ABCA3: variants seen among roughly 807,000 people sequenced by gnomAD.
The protein encoded by ABCA3 is ATP binding cassette subfamily A member 3, also known as phospholipid-transporting ATPase ABCA3.
In ABCA3, 88 loss-of-function variants were observed where a neutral mutation model predicts 172.8. That is an observed-to-expected ratio of 0.51 (90% CI 0.43 to 0.61). The LOEUF is 0.61. ABCA3 is among the 20% of genes least tolerant of loss of function. The pLI, the probability that ABCA3 is intolerant of heterozygous loss-of-function variation, is 0.00. For synonymous variants in ABCA3, 1,066 were observed against 983.8 expected (o/e 1.08, Z -1.56); for missense variants, 2,164 against 2,301.0 (o/e 0.94, Z 1.22).
intron 2 of ABCA3, among the ~76,000 whole-genome samples, chr16:2,329,382 C>T (rs187503033): frequency 1.3e-5 from 2 of 152,274 alleles, no homozygotes; most frequent in East Asian, 3.9e-4. Flanking sequence ...GGGCCATCAT[C>T]CCGGGGAAGT....
At chr16:2,316,852 G>A (rs530281667) in intron 10 of ABCA3, among the ~76,000 whole-genome samples, 5 of 152,246 alleles carry the variant, frequency 3.3e-5, no homozygotes, top group African/African-American at 9.6e-5. Flanking sequence ...ACAACTTATA[G>A]CCTCTGAACC....
In ABCA3 at chr16:2,331,240, G is replaced by C. The variant is rs1288933725; in HGVS notation, c.-538-1386C>G. Reference sequence around the variant, plus strand: ...TTCTTTTCTTTTTTTCTGAGACAGAGTCTCGCTCTGTCGCCGAGGCTGGGC... The same window carrying C: ...TTCTTTTCTTTTTTTCTGAGACAGACTCTCGCTCTGTCGCCGAGGCTGGGC... On this transcript the variant is annotated intron_variant, in intron 1 of 32. Coordinates refer to ENST00000301732, the MANE Select transcript of ABCA3 (RefSeq NM_001089.3). 2.0e-5 allele frequency among the ~76,000 whole-genome samples: 3 copies of C among 151,886 alleles called. No homozygotes were observed. In the South Asian group the frequency reaches 6.2e-4, roughly 32 times the overall value.
intron 28 of ABCA3, among the ~76,000 whole-genome samples, chr16:2,280,314 C>T (rs762502950): frequency 9.2e-5 from 14 of 152,232 alleles, no homozygotes; most frequent in African/African-American, 1.7e-4. Context: ...ATGTGCTTGT[C>T]CCCCCATGGG....
chr16:2,295,316 C>T (rs528252506), intron 18 of ABCA3, among the ~76,000 whole-genome samples: 21 of 152,334 alleles, frequency 1.4e-4, no homozygotes, highest in Middle Eastern at 6.8e-3. Flanking sequence ...GGAGTGTGAG[C>T]CCTGCATCAG....
chr16:2,317,918 A>T (rs951076851), intron 8 of ABCA3, among the ~76,000 whole-genome samples, 154 bp from the exon 9 acceptor site: 2 of 152,062 alleles, frequency 1.3e-5, no homozygotes, highest in Admixed American at 6.6e-5. Context: ...TCTTGCTCAA[A>T]CTCCTGGGCT....
In ABCA3 at chr16:2,285,051, C is replaced by A; in HGVS notation, c.3484-53G>T. 1 of 1,577,910 alleles carries A rather than the reference C, an allele frequency of 6.3e-7. No homozygotes were observed. Among genetic ancestry groups the A allele is most frequent in the South Asian group, 1.1e-5 (1 of 88,386 alleles). On this transcript the variant is annotated intron_variant, in intron 23 of 32. Transcript: ENST00000301732. This position sits in a 1 kb window ranked among gnomAD's most constrained non-coding sequence, Gnocchi z 4.7. ...TGCATGCCAAGCTGAGAGGAGCTCA[C>A]GGGTAGGGAAGGGGTGAGAGGAGCA...
At chr16:2,330,143 A>G (rs955431221) in intron 1 of ABCA3, among the ~76,000 whole-genome samples, 1 of 151,714 alleles carries the variant, frequency 6.6e-6, no homozygotes, top group Non-Finnish European at 1.5e-5. Flanking sequence ...TAAAAACACA[A>G]AAATTAGCCA....
chr16:2,308,225 T>A (rs1004602578), intron 11 of ABCA3, among the ~76,000 whole-genome samples: 15 of 152,214 alleles, frequency 9.9e-5, no homozygotes, highest in Non-Finnish European at 1.9e-4. Flanking sequence ...GCCCTGTGGC[T>A]CCCATCACCT....
At chr16:2,315,378 G>A (rs957784712) in intron 10 of ABCA3, among the ~76,000 whole-genome samples, 19 of 152,178 alleles carry the variant, frequency 1.2e-4, no homozygotes, top group African/African-American at 3.1e-4. Context: ...GATGAGTATC[G>A]GATGGCAATA....
intron 32 of ABCA3, 86 bp from the exon 33 acceptor site, chr16:2,276,891 T>G: frequency 6.4e-7 from 1 of 1,552,718 alleles, no homozygotes; most frequent in Non-Finnish European, 8.8e-7. Context: ...CAATAGGGGC[T>G]GATGAGGCCC....
rs778334121 is a variant in ABCA3 at position 2,298,439 on chromosome 16, C to T, written c.1843G>A (p.Asp615Asn). The change falls in exon 15 of 33, where the codon GAC becomes AAC. Residue 615 changes from aspartate to asparagine, a missense_variant. Physicochemically the swap from Asp to Asn is conservative, Grantham distance 23 (BLOSUM62 1). Transcript: ENST00000301732. ...RKSLGLCPQH[D>N]ILFDNLTVAE... ...ACTGTCAAGTTGTCAAACAGGATGT[C>T]GTGCTGCGGGCACAGGCCCAGGCTC... is the stretch of plus-strand genomic sequence containing the variant. 2.2e-5 allele frequency: 35 copies of T among 1,614,016 alleles called. No homozygotes were observed. Among genetic ancestry groups the T allele is most frequent in the Middle Eastern group, 1.6e-4 (1 of 6,084 alleles).
rs1042227512 is a variant in ABCA3 at position 2,286,789 on chromosome 16, C to G, written c.3183G>C (p.Leu1061=). ...ATALAVVDNL[L]FKLLCGPHAS... ...CGTGAGGCCCGCACAGCAGCTTGAA[C>G]AGAAGGTTGTCCACGACGGCCAGGG... is the stretch of plus-strand genomic sequence containing the variant. Residue 1061 remains leucine, a synonymous_variant, in exon 22 of 33, where the codon CTG becomes CTC. Coordinates refer to ENST00000301732, the MANE Select transcript of ABCA3 (RefSeq NM_001089.3). This position sits in a 1 kb window ranked among gnomAD's most constrained non-coding sequence, Gnocchi z 5.2. The G allele has an allele frequency of 2.5e-6, 4 of 1,614,166 alleles. No individual in the cohort carries two copies. The highest frequency in any genetic ancestry group is 3.4e-6 in the Non-Finnish European group (4 of 1,180,038).
In ABCA3 at chr16:2,285,645, C is replaced by T. The variant is rs1001865751; in HGVS notation, c.3280G>A (p.Gly1094Ser). The part of the protein sequence containing the change: ...LQAAKDQFNE[G>S]RKGFDIALNL... ...AGGGCAATGTCGAATCCCTTCCGGC[C>T]CCTGCGGGGGACAGAGAAGGTCAGG... The change falls in exon 23 of 33, where the codon GGC (glycine) becomes AGC (serine). Residue 1094 changes from glycine (G) to serine (S), a missense_variant and splice_region_variant. Gly to Ser is a moderately conservative substitution (Grantham distance 56). Transcript: ENST00000301732. The surrounding 1 kb of genome is among the most constrained non-coding windows in gnomAD (Gnocchi z 4.7). 1.5e-5 allele frequency: 23 copies of T among 1,551,852 alleles called. No homozygotes were observed. The Admixed American group carries it at 3.5e-4, about 24-fold the overall frequency.
At position 2,287,247 on chromosome 16, in the gene ABCA3, G is replaced by A. The variant is rs1161861340; in HGVS notation, c.3005-280C>T. ...TTAACCAGAGCACGGTCCCTGTTCT[G>A]AGCCTGGGGCAGTATCCAACTATGA... On this transcript the variant is annotated intron_variant, in intron 21 of 32. Transcript: ENST00000301732. The surrounding 1 kb of genome is among the most constrained non-coding windows in gnomAD (Gnocchi z 4.1). Among the ~76,000 whole-genome samples the A allele has an allele frequency of 6.6e-6, 1 of 152,022 alleles. No homozygotes were observed. The highest frequency in any genetic ancestry group is 1.5e-5 in the Non-Finnish European group (1 of 68,020).
chr16:2,285,556 C>G lies in ABCA3; in HGVS notation c.3369G>C (p.Arg1123Ser), dbSNP rs559180330. 3 of 1,587,634 alleles carry G rather than the reference C, an allele frequency of 1.9e-6. No individual in the cohort carries two copies. The Admixed American group carries it at 5.4e-5, about 28-fold the overall frequency. The change falls in exon 23 of 33, where the codon AGG becomes AGC. Residue 1123 changes from arginine (R) to serine (S), a missense_variant. Coordinates refer to ENST00000301732, the MANE Select transcript of ABCA3 (RefSeq NM_001089.3). This position sits in a 1 kb window ranked among gnomAD's most constrained non-coding sequence, Gnocchi z 4.7. ...ACTGCACATGCTTGGCCTGCACGGC[C>G]CTCTCGCTGACCGCCAGGATGGAGA... The part of the protein sequence containing the change: ...STFSILAVSE[R>S]AVQAKHVQFV...
At chr16:2,301,037 TGGCTA>T (rs1349643618) in intron 12 of ABCA3, among the ~76,000 whole-genome samples, 2 of 151,602 alleles carry the variant, frequency 1.3e-5, no homozygotes, top group Admixed American at 1.3e-4. Context: ...GAGACCATCC[TGGCTA>T]ACACGGTGAA....
chr16:2,319,581 C>T lies in ABCA3; in HGVS notation c.873G>A (p.Lys291=), dbSNP rs2093722396. Residue 291 remains lysine (K), a splice_region_variant and synonymous_variant, in exon 8 of 33, where the codon AAG becomes AAA. Coordinates refer to ENST00000301732, the MANE Select transcript of ABCA3 (RefSeq NM_001089.3). ...TTGGGGAGCCAAAGCGGGCAGTCAC[C>T]TTCAGCCTCCTTTCCTTCTCCTGCA... The part of the protein sequence containing the change: ...AVVQEKERRL[K]EYMRMMGLSS... The T allele has an allele frequency of 6.2e-7, 1 of 1,611,096 alleles. No individual in the cohort carries two copies. Among genetic ancestry groups the T allele is most frequent in the African/African-American group, 1.3e-5 (1 of 74,902 alleles).
At position 2,286,667 on chromosome 16, in the gene ABCA3, G is replaced by T; in HGVS notation, c.3278+27C>A. 2.5e-6 allele frequency: 4 copies of T among 1,611,894 alleles called. No individual in the cohort carries two copies. Among genetic ancestry groups the T allele is most frequent in the Non-Finnish European group, 3.4e-6 (4 of 1,179,760 alleles). ...GTCAGTCCTGGGGGCTCTGGCCAGGGCAGACAGGGACGGGCAGTGCACATA... is the reference window on the plus strand; with the variant it reads ...GTCAGTCCTGGGGGCTCTGGCCAGGTCAGACAGGGACGGGCAGTGCACATA... On this transcript the variant is annotated intron_variant, in intron 22 of 32. Transcript: ENST00000301732. This position sits in a 1 kb window ranked among gnomAD's most constrained non-coding sequence, Gnocchi z 5.2.
chr16:2,306,823 G>A (rs323031), intron 11 of ABCA3, among the ~76,000 whole-genome samples: 147,685 of 151,980 alleles, frequency 0.97, 71,799 homozygotes, highest in Non-Finnish European at 0.99. Context: ...AGACCATCCT[G>A]GCTAACACAG....
Sources: allele counts gnomAD v4.1 joint callset (sites outside exome capture counted in the v4.1 genomes callset), GRCh38; gene constraint gnomAD v4.1.1; non-coding constraint Gnocchi (gnomAD v3.1); transcripts MANE v1.5; gene names NCBI Gene and HGNC (gene_info 2026-07-23, HGNC 2026-07-21).